CFAP70: variants seen among roughly 807,000 people sequenced by gnomAD.
The protein encoded by CFAP70 is cilia and flagella associated protein 70, also known as cilia- and flagella-associated protein 70.
A neutral mutation model predicts 137.6 loss-of-function variants in CFAP70; 81 were observed. The ratio of observed to expected loss-of-function variants is 0.59; its 90% CI spans 0.49 to 0.71. The LOEUF (loss-of-function observed/expected upper bound fraction) is 0.71. Ranked by LOEUF, CFAP70 falls within the 30% of genes least tolerant of loss-of-function variation. The probability of loss-of-function intolerance (pLI) is 0.00; values close to 1 mark genes in which losing one functional copy is unlikely to be tolerated. For synonymous variants in CFAP70, 382 were observed against 423.6 expected (o/e 0.90, Z 1.20); for missense variants, 976 against 1,226.7 (o/e 0.80, Z 3.05).
chr10:73,285,236 G>A (rs1484499693), intron 19 of CFAP70, among the ~76,000 whole-genome samples: 3 of 152,246 alleles, frequency 2.0e-5, no homozygotes, highest in Non-Finnish European at 4.4e-5. Flanking sequence ...TGGGCTATGA[G>A]TCTAGATGAA....
chr10:73,280,618 A>G (rs1163483826), intron 19 of CFAP70, among the ~76,000 whole-genome samples: 1 of 152,194 alleles, frequency 6.6e-6, no homozygotes. Context: ...AGGGCTATTC[A>G]GATTGTTTCT....
chr10:73,270,089 G>C (rs184721083), intron 24 of CFAP70, among the ~76,000 whole-genome samples: 375 of 152,338 alleles, frequency 2.5e-3, no homozygotes, highest in African/African-American at 8.5e-3. Context: ...TCCACACACA[G>C]TGGGCTGTCA....
rs192158812 is a variant in CFAP70 at position 73,288,345 on chromosome 10, A to T, written c.2239+2881T>A. 3.2e-3 allele frequency among the ~76,000 whole-genome samples: 487 copies of T among 152,344 alleles called. 4 individuals are homozygous for T. The highest frequency in any genetic ancestry group is 4.8e-3 in the Non-Finnish European group (324 of 68,026). ...AATAAAGCTATAAAAGAACAAAAAA[A>T]TACAGAAAGTGGCTCAGCAGAGAAT... On this transcript the variant is annotated intron_variant, in intron 19 of 26. Transcript: ENST00000310715.
chr10:73,264,166 C>T (rs1188715214), intron 25 of CFAP70, among the ~76,000 whole-genome samples: 2 of 152,160 alleles, frequency 1.3e-5, no homozygotes, highest in Non-Finnish European at 2.9e-5. Context: ...AGATCTCAGA[C>T]TCATCTTTTA....
At chr10:73,349,211 A>T (rs1170078776) in intron 3 of CFAP70, among the ~76,000 whole-genome samples, 1 of 152,180 alleles carries the variant, frequency 6.6e-6, no homozygotes, top group Non-Finnish European at 1.5e-5. Context: ...ATTGATCTTA[A>T]GAATGGCTAA....
chr10:73,351,067 G>GTATATATATATA (rs1257762799), intron 3 of CFAP70, among the ~76,000 whole-genome samples: 1 of 64,064 alleles, frequency 1.6e-5, no homozygotes, highest in Non-Finnish European at 2.8e-5. Context: ...GTGTGTGTGT[G>GTATATATATATA]TGTGTATATA....
intron 8 of CFAP70, among the ~76,000 whole-genome samples, chr10:73,327,019 G>C (rs1440150178): frequency 6.6e-6 from 1 of 151,606 alleles, no homozygotes; most frequent in Admixed American, 6.6e-5. Context: ...CCAAAGCCTG[G>C]CAGAGACACA....
chr10:73,324,515 G>A (rs569251185), intron 8 of CFAP70, among the ~76,000 whole-genome samples: 6 of 152,162 alleles, frequency 3.9e-5, no homozygotes, highest in Middle Eastern at 3.2e-3. Context: ...AGAGAAGAAG[G>A]CTTCAGACGA....
intron 9 of CFAP70, among the ~76,000 whole-genome samples, chr10:73,318,597 C>G (rs1395907037): frequency 6.6e-6 from 1 of 152,180 alleles, no homozygotes; most frequent in Non-Finnish European, 1.5e-5. Flanking sequence ...AGGAAACAAG[C>G]ATTGCCTCCA....
chr10:73,330,566 T>G (rs1274990867), intron 8 of CFAP70, among the ~76,000 whole-genome samples: 2 of 152,080 alleles, frequency 1.3e-5, no homozygotes, highest in East Asian at 3.8e-4. Context: ...AGTGATAGTA[T>G]TTTTATTATG....
At chr10:73,268,953 C>T (rs12246976) in intron 25 of CFAP70, among the ~76,000 whole-genome samples, 2,230 of 152,214 alleles carry the variant, frequency 0.015, 48 homozygotes, top group African/African-American at 0.045. Flanking sequence ...TCCCAAATTG[C>T]TGGGGTTACA....
intron 24 of CFAP70, among the ~76,000 whole-genome samples, chr10:73,269,977 C>T (rs2046113931): frequency 6.6e-6 from 1 of 152,190 alleles, no homozygotes; most frequent in Admixed American, 6.5e-5. Context: ...TTCCTTCCCT[C>T]TACAGCGGTC....
exon 6 of CFAP70, chr10:73,341,545 T>G (rs1245332720): frequency 6.2e-7 from 1 of 1,614,120 alleles, no homozygotes; most frequent in Non-Finnish European, 8.5e-7. Flanking sequence ...CCTCCAAGCT[T>G]CAGAGTTCCA....
exon 27 of CFAP70, chr10:73,253,887 C>T: frequency 9.6e-7 from 1 of 1,042,620 alleles, no homozygotes; most frequent in East Asian, 2.5e-5. Context: ...TTCTTTCGTT[C>T]TCCAGCTCCA....
rs7096911 is a variant in CFAP70, at chr10:73,321,842, T to A, written c.912+1121A>T. 7.2e-5 allele frequency among the ~76,000 whole-genome samples: 11 copies of A among 152,202 alleles called. No individual in the cohort carries two copies. In the East Asian group the frequency reaches 2.1e-3, roughly 29 times the overall value. ...TCTGTTGCCCAGGCTGTAATGAAGT[T>A]GTGCAATTTCAGCTCACTGTAACCT... On this transcript the variant is annotated intron_variant, in intron 9 of 26. Transcript: ENST00000310715.
chr10:73,282,768 A>G (rs1395280806), intron 19 of CFAP70, among the ~76,000 whole-genome samples: 1 of 150,846 alleles, frequency 6.6e-6, no homozygotes, highest in African/African-American at 2.4e-5. Flanking sequence ...ATCTTTCATT[A>G]GAGGAATATT....
intron 1 of CFAP70, among the ~76,000 whole-genome samples, chr10:73,355,338 T>C (rs1041791966): frequency 4.6e-5 from 7 of 152,214 alleles, no homozygotes; most frequent in African/African-American, 1.7e-4. Context: ...AACTGATGCA[T>C]GCAAAGGATC....
intron 19 of CFAP70, 72 bp downstream of exon 20, chr10:73,291,154 A>G: frequency 7.3e-7 from 1 of 1,363,012 alleles, no homozygotes; most frequent in Non-Finnish European, 1.0e-6. Context: ...TGCTAGGACT[A>G]CAGGTGTGAG....
chr10:73,351,063 GTGTGTGTGTATATATA>G (rs1382885769), intron 3 of CFAP70, among the ~76,000 whole-genome samples: 2 of 57,038 alleles, frequency 3.5e-5, no homozygotes, highest in African/African-American at 1.9e-4. Context: ...GTGTGTGTGT[GTGTGTGTGTATATATA>G]TATATATATA....
Sources: allele counts gnomAD v4.1 joint callset (sites outside exome capture counted in the v4.1 genomes callset), GRCh38; gene constraint gnomAD v4.1.1; transcripts MANE v1.5; gene names NCBI Gene and HGNC (gene_info 2026-07-23, HGNC 2026-07-21).